PIAS1: variants seen among roughly 807,000 people sequenced by gnomAD.
PIAS1 encodes E3 SUMO-protein ligase PIAS1.
PIAS1 carries 6 observed loss-of-function variants against 71.3 expected under a neutral mutation model. That is an observed-to-expected ratio of 0.08 (90% CI 0.05 to 0.17). PIAS1 has a LOEUF of 0.17. PIAS1 is among the 10% of genes least tolerant of loss of function. The pLI is 1.00. For missense variants in PIAS1, 555 were observed against 793.6 expected, an observed-to-expected ratio of 0.70 and a Z score of 3.61; for synonymous variants, 303 against 292.9, an observed-to-expected ratio of 1.03 and a Z score of -0.35.
chr15:68,143,364 C>T (rs929447841), intron 4 of PIAS1, among the ~76,000 whole-genome samples: 4 of 152,058 alleles, frequency 2.6e-5, no homozygotes, highest in Non-Finnish European at 4.4e-5. Flanking sequence ...ATGTGAAAAC[C>T]TCTCATCTAA....
At chr15:68,070,070 GAT>G (rs1472326997) in intron 1 of PIAS1, among the ~76,000 whole-genome samples, 1 of 152,188 alleles carries the variant, frequency 6.6e-6, no homozygotes, top group Non-Finnish European at 1.5e-5. Context: ...GCAAGGAAAA[GAT>G]ATGAAAGAGT....
intron 2 of PIAS1, among the ~76,000 whole-genome samples, chr15:68,135,622 T>C: frequency 1.6e-5 from 1 of 63,096 alleles, no homozygotes; most frequent in Non-Finnish European, 4.6e-5. Flanking sequence ...GGCGGGGGGC[T>C]GACCCCCCCA....
At chr15:68,058,565 C>T (rs1333273649) in intron 1 of PIAS1, among the ~76,000 whole-genome samples, 1 of 152,168 alleles carries the variant, frequency 6.6e-6, no homozygotes, top group Non-Finnish European at 1.5e-5. Context: ...TCACAGATTT[C>T]TACTTATGTT....
chr15:68,086,720 C>G lies in PIAS1; in HGVS notation c.439C>G (p.Leu147Val). The change falls in exon 2 of 14, where the codon CTG becomes GTG. Residue 147 changes from leucine (L) to valine (V), a missense_variant. Coordinates refer to ENST00000249636, the MANE Select transcript of PIAS1 (RefSeq NM_016166.3). This position sits in a 1 kb window ranked among gnomAD's most constrained non-coding sequence, Gnocchi z 7.2. The part of the protein sequence containing the change: ...KLQKLPFYDL[L>V]DELIKPTSLA... Reference sequence around the variant, plus strand: ...TCAAAAATTACCATTTTATGATTTACTGGATGAACTGATAAAACCCACCAG... The same window carrying G: ...TCAAAAATTACCATTTTATGATTTAGTGGATGAACTGATAAAACCCACCAG... The G allele has an allele frequency of 6.2e-7, 1 of 1,611,214 alleles. No individual in the cohort carries two copies. Among genetic ancestry groups the G allele is most frequent in the Non-Finnish European group, 8.5e-7 (1 of 1,177,406 alleles).
chr15:68,131,960 T>C (rs1252753631), intron 2 of PIAS1, among the ~76,000 whole-genome samples: 3 of 148,816 alleles, frequency 2.0e-5, no homozygotes, highest in Admixed American at 1.3e-4. Flanking sequence ...CCCAGCACTT[T>C]GGGAAGCCAA....
At chr15:68,081,803 C>A (rs1363555221) in intron 1 of PIAS1, among the ~76,000 whole-genome samples, 2 of 151,492 alleles carry the variant, frequency 1.3e-5, no homozygotes, top group African/African-American at 2.4e-5. Context: ...AGAAAGAGAA[C>A]ACAAAGACAT....
At chr15:68,182,331 C>T (rs936347521) in intron 12 of PIAS1, among the ~76,000 whole-genome samples, 4 of 151,368 alleles carry the variant, frequency 2.6e-5, no homozygotes, top group African/African-American at 9.7e-5. Flanking sequence ...TTAAAAAAGC[C>T]ATATATGCTC....
intron 1 of PIAS1, among the ~76,000 whole-genome samples, chr15:68,076,480 A>G (rs2092166376): frequency 6.6e-6 from 1 of 152,202 alleles, no homozygotes; most frequent in Non-Finnish European, 1.5e-5. Flanking sequence ...AGCCTGGGCG[A>G]CAGAGTGAGA....
At chr15:68,059,561 A>G (rs2091934652) in intron 1 of PIAS1, among the ~76,000 whole-genome samples, 1 of 151,696 alleles carries the variant, frequency 6.6e-6, no homozygotes, top group Non-Finnish European at 1.5e-5. Context: ...AATACAAAAA[A>G]TTAGCTGGGC....
At chr15:68,069,385 C>T (rs2092067521) in intron 1 of PIAS1, among the ~76,000 whole-genome samples, 1 of 152,186 alleles carries the variant, frequency 6.6e-6, no homozygotes, top group Admixed American at 6.5e-5. Context: ...ATCACATTTA[C>T]TTAAAGCAAG....
intron 2 of PIAS1, among the ~76,000 whole-genome samples, chr15:68,093,937 T>C (rs1469959241): frequency 4.2e-5 from 6 of 141,742 alleles, no homozygotes; most frequent in Admixed American, 2.8e-4. Flanking sequence ...AGAAAGTGTT[T>C]GGACGCTACA....
chr15:68,158,796 A>G (rs1283390700), intron 7 of PIAS1, among the ~76,000 whole-genome samples: 10 of 152,196 alleles, frequency 6.6e-5, no homozygotes. Flanking sequence ...AAGGATAGAA[A>G]TTATCTTGAA....
intron 6 of PIAS1, among the ~76,000 whole-genome samples, chr15:68,151,939 A>ATTTTTTTTTTTTTTT (rs1201017658): frequency 1.5e-5 from 1 of 68,198 alleles, no homozygotes; most frequent in African/African-American, 5.7e-5. Context: ...AAATTTAGGA[A>ATTTTTTTTTTTTTTT]TTTTTTTTTT....
At chr15:68,145,053 G>T (rs1031047589) in intron 4 of PIAS1, among the ~76,000 whole-genome samples, 4 of 151,960 alleles carry the variant, frequency 2.6e-5, no homozygotes, top group African/African-American at 9.7e-5. Context: ...TTGAGAATAG[G>T]TACTAATAAA....
chr15:68,145,759 A>G, intron 4 of PIAS1, 57 bp from the exon 5 acceptor site: 1 of 947,328 alleles, frequency 1.1e-6, no homozygotes, highest in Non-Finnish European at 1.7e-6. Context: ...ATTTAACAAT[A>G]ATACTAATGA....
intron 1 of PIAS1, among the ~76,000 whole-genome samples, chr15:68,057,276 T>A (rs2091906558): frequency 6.6e-6 from 1 of 152,170 alleles, no homozygotes; most frequent in African/African-American, 2.4e-5. Flanking sequence ...ATTAGGGGAG[T>A]ACCCATAAAT....
At chr15:68,143,941 T>A (rs913827524) in intron 4 of PIAS1, among the ~76,000 whole-genome samples, 1 of 152,136 alleles carries the variant, frequency 6.6e-6, no homozygotes, top group Non-Finnish European at 1.5e-5. Context: ...ACCGTAGCTT[T>A]AGAATAAAAG....
Position 68,187,326 on chromosome 15 carries a change from T to C in PIAS1, c.1663-216T>C, listed in dbSNP as rs1232047819. Among the ~76,000 whole-genome samples, 7 of 152,168 alleles carry C rather than the reference T, an allele frequency of 4.6e-5. No homozygotes were observed. Among genetic ancestry groups the C allele is most frequent in the Admixed American group, 4.6e-4 (7 of 15,286 alleles). ...AAAAAACAATAAAATTTATATTTTG[T>C]TTTTCCTCCAGTTTCAGATACAAAA... On this transcript the variant is annotated intron_variant, in intron 13 of 13. Transcript: ENST00000249636. This position sits in a 1 kb window ranked among gnomAD's most constrained non-coding sequence, Gnocchi z 5.3.
In PIAS1 at chr15:68,178,622, A is replaced by G. The variant is rs1447036283; in HGVS notation, c.1481+1968A>G. Among the ~76,000 whole-genome samples the G allele has an allele frequency of 2.0e-5, 3 of 152,216 alleles. No homozygotes were observed. The highest frequency in any genetic ancestry group is 4.4e-5 in the Non-Finnish European group (3 of 68,026). On this transcript the variant is annotated intron_variant, in intron 11 of 13. Transcript: ENST00000249636. The surrounding 1 kb of genome is among the most constrained non-coding windows in gnomAD (Gnocchi z 4.2). ...ATAGTATGACCAAATACACATTGTC[A>G]TGTGATTTTTTTAAGTGCCATAATC...
Sources: allele counts gnomAD v4.1 joint callset (sites outside exome capture counted in the v4.1 genomes callset), GRCh38; gene constraint gnomAD v4.1.1; non-coding constraint Gnocchi (gnomAD v3.1); transcripts MANE v1.5; gene names NCBI Gene and HGNC (gene_info 2026-07-23, HGNC 2026-07-21).